The following LRP2 variants were observed in gnomAD, a reference collection of about 807,000 sequenced individuals.
LRP2 encodes low-density lipoprotein receptor-related protein 2.
LRP2 carries 172 observed loss-of-function variants against 531.0 expected under a neutral mutation model. The observed-to-expected ratio is 0.32, with a 90% CI of 0.29 to 0.37. The LOEUF is 0.37. Ranked by LOEUF, LRP2 falls within the 10% of genes least tolerant of loss-of-function variation. LRP2 has a pLI of 1.00. For synonymous variants in LRP2, 1,992 were observed against 2,027.6 expected, an observed-to-expected ratio of 0.98 and a Z score of 0.47; for missense variants, 5,167 against 5,868.3, an observed-to-expected ratio of 0.88 and a Z score of 3.90.
intron 1 of LRP2, among the ~76,000 whole-genome samples, chr2:169,328,125 G>T: frequency 7.2e-6 from 1 of 139,278 alleles, no homozygotes; most frequent in African/African-American, 2.7e-5. Flanking sequence ...CCTCTGCCCA[G>T]CCGCCCCTAC....
chr2:169,170,885 G>T (rs1686972210), intron 58 of LRP2, among the ~76,000 whole-genome samples: 1 of 145,552 alleles, frequency 6.9e-6, no homozygotes, highest in African/African-American at 2.5e-5. Context: ...GTCCAAAGGT[G>T]ATCTGATCTC....
intron 63 of LRP2, among the ~76,000 whole-genome samples, chr2:169,160,222 T>A (rs1686521882): frequency 6.6e-6 from 1 of 152,198 alleles, no homozygotes; most frequent in Admixed American, 6.6e-5. Context: ...GAAAAAATGC[T>A]AATGTATTTT....
intron 1 of LRP2, among the ~76,000 whole-genome samples, chr2:169,330,805 G>A (rs1267500733): frequency 6.6e-6 from 1 of 151,858 alleles, no homozygotes; most frequent in Non-Finnish European, 1.5e-5. Flanking sequence ...AAGCAGCTTG[G>A]ACAGTCAGAG....
chr2:169,127,262 T>TCATCCATC lies in LRP2; in HGVS notation c.*1393_*1400dup, dbSNP rs3083261. 1 of 152,470 alleles carries TCATCCATC rather than the reference T, an allele frequency of 6.6e-6. No individual in the cohort carries two copies. The highest frequency in any genetic ancestry group is 2.4e-5 in the African/African-American group (1 of 41,368). The allele number at this position is 152,470 out of a possible 1,614,324, so 9.4% of individuals were successfully genotyped here. On this transcript the variant is annotated 3_prime_UTR_variant, in exon 79 of 79. Coordinates refer to ENST00000649046, the MANE Select transcript of LRP2 (RefSeq NM_004525.3). ...AATCAGTAGTATATGTTTCATTCAT[T>TCATCCATC]CATCCATCCATCCATCCATCCATTC...
intron 62 of LRP2, among the ~76,000 whole-genome samples, chr2:169,165,043 G>A (rs919152685): frequency 2.0e-5 from 3 of 152,124 alleles, no homozygotes; most frequent in African/African-American, 7.2e-5. Context: ...ATGATAACAG[G>A]AATACGAACT....
chr2:169,217,606 A>G (rs1179186939), intron 34 of LRP2, among the ~76,000 whole-genome samples: 1 of 151,626 alleles, frequency 6.6e-6, no homozygotes, highest in Non-Finnish European at 1.5e-5. Flanking sequence ...CTCCTCTCCC[A>G]TTTCAGGGTA....
chr2:169,226,441 A>G lies in LRP2; in HGVS notation c.5375T>C (p.Ile1792Thr). 7 of 1,613,604 alleles carry G rather than the reference A, an allele frequency of 4.3e-6. No homozygotes were observed. Among genetic ancestry groups the G allele is most frequent in the Non-Finnish European group, 5.9e-6 (7 of 1,179,642 alleles). ...DVEFDDAEQYIYWVENPGEIH... is the reference protein window; with the variant it reads ...DVEFDDAEQYTYWVENPGEIH... ...ACTTACTGGATTTTCAACCCAATAG[A>G]TGTATTGCTCAGCATCATCAAATTC... The change falls in exon 32 of 79, where the codon ATC becomes ACC. Residue 1792 changes from isoleucine to threonine, a missense_variant. Coordinates refer to ENST00000649046, the MANE Select transcript of LRP2 (RefSeq NM_004525.3).
intron 27 of LRP2, 151 bp from the exon 28 acceptor site, chr2:169,237,438 C>T (rs1689647271): frequency 1.6e-6 from 1 of 640,480 alleles, no homozygotes; most frequent in Non-Finnish European, 2.8e-6. Context: ...TAGCTAACCA[C>T]CAAATCAACA....
Position 169,206,619 on chromosome 2 carries a change from T to G in LRP2, c.7101A>C (p.Lys2367Asn). The G allele has an allele frequency of 6.2e-7, 1 of 1,614,068 alleles. No individual in the cohort carries two copies. The change falls in exon 39 of 79, where the codon AAA (lysine) becomes AAC (asparagine). Residue 2367 changes from lysine to asparagine, a missense_variant. Lys to Asn is a moderately conservative substitution (Grantham distance 94, BLOSUM62 0). This residue lies in a region of LRP2 where 2,811 missense variants were observed against 3,058.0 expected (regional missense o/e 0.92). Transcript: ENST00000649046. ...CFALPGLHTP[K>N]CDCAFGTLQS... is the part of the protein sequence containing the mutation. ...GCAGGGTCCCAAAGGCACAGTCACATTTTGGGGTGTGCAATCCAGGCAGAG... is the reference window on the plus strand; with the variant it reads ...GCAGGGTCCCAAAGGCACAGTCACAGTTTGGGGTGTGCAATCCAGGCAGAG...
At chr2:169,274,699 A>C (rs919658624) in intron 14 of LRP2, among the ~76,000 whole-genome samples, 1 of 152,282 alleles carries the variant, frequency 6.6e-6, no homozygotes, top group East Asian at 1.9e-4. Context: ...AGTTTGAAAT[A>C]GATGTCTTTC....
At chr2:169,184,449 G>A (rs1687553534) in intron 50 of LRP2, among the ~76,000 whole-genome samples, 1 of 152,206 alleles carries the variant, frequency 6.6e-6, no homozygotes, top group Non-Finnish European at 1.5e-5. Context: ...GTGGGGAAGA[G>A]CCCTCTGGAG....
chr2:169,321,920 A>G (rs982534604), intron 1 of LRP2, among the ~76,000 whole-genome samples: 1 of 152,180 alleles, frequency 6.6e-6, no homozygotes, highest in Non-Finnish European at 1.5e-5. Context: ...CAAGGGACAA[A>G]GTTCCCCAAA....
chr2:169,188,101 T>G lies in LRP2; in HGVS notation c.9197A>C (p.His3066Pro). 2 of 1,614,126 alleles carry G rather than the reference T, an allele frequency of 1.2e-6. No individual in the cohort carries two copies. Among genetic ancestry groups the G allele is most frequent in the Non-Finnish European group, 1.7e-6 (2 of 1,180,028 alleles). ...DCGDGSDELMHLCHTPEPTCP... is the reference protein window; with the variant it reads ...DCGDGSDELMPLCHTPEPTCP... ...CGTGGGTTCTGGGGTGTGGCACAGG[T>G]GCATCAGCTCATCAGATCCGTCTCC... The change falls in exon 49 of 79, where the codon CAC becomes CCC. Residue 3066 changes from histidine to proline, a missense_variant. By Grantham distance (77) the His-to-Pro change is moderately conservative. Coordinates refer to ENST00000649046, the MANE Select transcript of LRP2 (RefSeq NM_004525.3).
rs183880769 is a variant in LRP2, at chr2:169,308,716, A to G, written c.311-1319T>C. Reference sequence around the variant, plus strand: ...ATGTGTCTTTATAGCAGCATGATTTATAATCCTTTGGGTATATACTCAGTA... The same window carrying G: ...ATGTGTCTTTATAGCAGCATGATTTGTAATCCTTTGGGTATATACTCAGTA... On this transcript the variant is annotated intron_variant, in intron 3 of 78. Transcript: ENST00000649046. Among the ~76,000 whole-genome samples, 14 of 152,338 alleles carry G rather than the reference A, an allele frequency of 9.2e-5. 1 individual carries two copies. The East Asian group carries it at 2.7e-3, about 29-fold the overall frequency.
chr2:169,352,215 A>G (rs1435908648), intron 1 of LRP2, among the ~76,000 whole-genome samples: 2 of 152,170 alleles, frequency 1.3e-5, no homozygotes, highest in Non-Finnish European at 2.9e-5. Context: ...TCTGGGGGGA[A>G]CTTCAAAGGT....
intron 13 of LRP2, among the ~76,000 whole-genome samples, chr2:169,276,075 C>T (rs1683545254): frequency 6.6e-6 from 1 of 152,000 alleles, no homozygotes; most frequent in East Asian, 1.9e-4. Flanking sequence ...GACAATAGAG[C>T]TCTAAGAAAA....
chr2:169,349,099 C>T (rs1301650244), intron 1 of LRP2, among the ~76,000 whole-genome samples: 1 of 152,112 alleles, frequency 6.6e-6, no homozygotes, highest in Non-Finnish European at 1.5e-5. Flanking sequence ...AGATGAAAAT[C>T]CCTGCCCTTG....
intron 4 of LRP2, among the ~76,000 whole-genome samples, chr2:169,298,331 A>G (rs559876983): frequency 2.6e-5 from 4 of 152,144 alleles, no homozygotes; most frequent in Non-Finnish European, 4.4e-5. Context: ...AGTAAATACT[A>G]TGATGACTCC....
intron 68 of LRP2, among the ~76,000 whole-genome samples, chr2:169,148,260 T>C (rs1355358729): frequency 6.6e-6 from 1 of 152,124 alleles, no homozygotes; most frequent in Non-Finnish European, 1.5e-5. Flanking sequence ...ATGTCCAGAA[T>C]AGGCAAATCT....
Sources: allele counts gnomAD v4.1 joint callset (sites outside exome capture counted in the v4.1 genomes callset), GRCh38; gene constraint gnomAD v4.1.1; regional missense constraint gnomAD v4.1.1; transcripts MANE v1.5; gene names NCBI Gene and HGNC (gene_info 2026-07-23, HGNC 2026-07-21).